RAB31: variants seen among roughly 807,000 people sequenced by gnomAD.
RAB31 encodes RAB31, member RAS oncogene family, also known as ras-related protein Rab-31.
RAB31 carries 21 observed loss-of-function variants against 25.6 expected under a neutral mutation model. That is an observed-to-expected ratio of 0.82 (90% CI 0.58 to 1.18). RAB31 has a LOEUF of 1.18. Among genes scored for constraint, RAB31 ranks in the 50% most tolerant of loss-of-function variants. The probability of loss-of-function intolerance (pLI) is 0.00; values close to 1 mark genes in which losing one functional copy is unlikely to be tolerated. For missense variants in RAB31, 196 were observed against 250.1 expected, an observed-to-expected ratio of 0.78 and a Z score of 1.46; for synonymous variants, 87 against 84.0, an observed-to-expected ratio of 1.04 and a Z score of -0.20.
intron 2 of RAB31, 38 bp downstream of exon 2, chr18:9,775,395 C>G (rs781748688): frequency 6.2e-7 from 1 of 1,612,080 alleles, no homozygotes; most frequent in Non-Finnish European, 8.5e-7. Context: ...GCGTTGCTTC[C>G]TTTCACGGCA....
rs2068092333 is a variant in RAB31 at position 9,725,414 on chromosome 18, G to C, written c.39+16970G>C. 2.0e-5 allele frequency among the ~76,000 whole-genome samples: 3 copies of C among 152,114 alleles called. No homozygotes were observed. In the South Asian group the frequency reaches 6.2e-4, roughly 32 times the overall value. On this transcript the variant is annotated intron_variant, in intron 1 of 6. Transcript: ENST00000578921. ...CAAGTTCTATTCTCATCTTTATCTT[G>C]CTAATGAAGAGACTGCAGCACAGGG...
At chr18:9,803,364 T>C (rs1273833461) in intron 3 of RAB31, among the ~76,000 whole-genome samples, 2 of 151,764 alleles carry the variant, frequency 1.3e-5, no homozygotes, top group African/African-American at 4.8e-5. Context: ...ACCTCCCGAG[T>C]AGCTGGGACT....
At chr18:9,846,256 C>T (rs370618791) in intron 6 of RAB31, among the ~76,000 whole-genome samples, 3 of 152,350 alleles carry the variant, frequency 2.0e-5, no homozygotes, top group African/African-American at 7.2e-5. Flanking sequence ...CCGTTATGCT[C>T]ACTGTATGCC....
rs1335613068 is a variant in RAB31 at position 9,861,862 on chromosome 18, G to A, written c.*2537G>A. Reference sequence around the variant, plus strand: ...GGCTGAGTTTGGCCCCTAGCCATGTGTTAATATAAAGTAGGCATGGCTTCC... The same window carrying A: ...GGCTGAGTTTGGCCCCTAGCCATGTATTAATATAAAGTAGGCATGGCTTCC... On this transcript the variant is annotated 3_prime_UTR_variant, in exon 7 of 7. Transcript: ENST00000578921. The A allele has an allele frequency of 4.6e-5, 7 of 152,510 alleles. No homozygotes were observed. Among genetic ancestry groups the A allele is most frequent in the African/African-American group, 1.7e-4 (7 of 41,410 alleles). The allele number at this position is 152,510 out of a possible 1,614,324, so 9.4% of individuals were successfully genotyped here. A position where few individuals can be genotyped will look rare whatever the true frequency, so the allele number is the denominator to read the frequency against.
At chr18:9,746,882 A>G (rs766028295) in intron 1 of RAB31, among the ~76,000 whole-genome samples, 7 of 152,260 alleles carry the variant, frequency 4.6e-5, no homozygotes, top group Non-Finnish European at 7.3e-5. Flanking sequence ...TAGACATGAA[A>G]GCAAAAGCAT....
intron 1 of RAB31, among the ~76,000 whole-genome samples, chr18:9,774,584 A>G (rs1395016385): frequency 1.3e-5 from 2 of 152,074 alleles, no homozygotes; most frequent in African/African-American, 2.4e-5. Flanking sequence ...CTCTTCTCCT[A>G]TCTCTTTGAC....
At position 9,763,209 on chromosome 18, in the gene RAB31, C is replaced by T. The variant is rs77015152; in HGVS notation, c.40-12069C>T. On this transcript the variant is annotated intron_variant, in intron 1 of 6. Coordinates refer to ENST00000578921, the MANE Select transcript of RAB31 (RefSeq NM_006868.4). ...CCTGGCCGTAACATGTGTCCTTGGA[C>T]GAGTTGCTTTAATTTCTTCCTTTAA... Among the ~76,000 whole-genome samples, 62 of 152,062 alleles carry T rather than the reference C, an allele frequency of 4.1e-4. No homozygotes were observed. In the East Asian group the frequency reaches 0.011, roughly 26 times the overall value.
chr18:9,728,199 C>T (rs1347001311), intron 1 of RAB31, among the ~76,000 whole-genome samples: 1 of 152,124 alleles, frequency 6.6e-6, no homozygotes, highest in Non-Finnish European at 1.5e-5. Flanking sequence ...TAGAGCAATC[C>T]CACTTATTTT....
intron 5 of RAB31, among the ~76,000 whole-genome samples, chr18:9,818,500 T>TTAAGCAAATG (rs1343578577): frequency 1.3e-5 from 2 of 152,232 alleles, no homozygotes. Flanking sequence ...CTTCTTTCAG[T>TTAAGCAAATG]TAAGCAAATG....
chr18:9,726,780 A>T (rs2068098026), intron 1 of RAB31, among the ~76,000 whole-genome samples: 1 of 152,178 alleles, frequency 6.6e-6, no homozygotes. Context: ...TTGAAGTATA[A>T]CATACAAAGT....
chr18:9,805,552 A>T (rs906741793), intron 3 of RAB31, among the ~76,000 whole-genome samples: 21 of 152,170 alleles, frequency 1.4e-4, no homozygotes, highest in African/African-American at 5.1e-4. Context: ...TAATGTCCTC[A>T]TATGAAGGTC....
intron 1 of RAB31, among the ~76,000 whole-genome samples, chr18:9,772,039 A>T (rs2068347963): frequency 6.6e-6 from 1 of 152,170 alleles, no homozygotes; most frequent in Admixed American, 6.5e-5. Flanking sequence ...TGATGAGTAA[A>T]GCTGAACATT....
intron 6 of RAB31, among the ~76,000 whole-genome samples, chr18:9,857,678 TAGATAGATGATAGATAGATA>T (rs997354978): frequency 1.6e-5 from 2 of 123,340 alleles, no homozygotes; most frequent in African/African-American, 5.8e-5. Flanking sequence ...GATAGATAGA[TAGATAGATGATAGATAGATA>T]GATAGATAGA....
chr18:9,801,013 T>A (rs998006496), intron 3 of RAB31, among the ~76,000 whole-genome samples: 7 of 152,208 alleles, frequency 4.6e-5, no homozygotes, highest in African/African-American at 1.7e-4. Flanking sequence ...TTTCTGTCTC[T>A]AGATTTGCCT....
At chr18:9,810,541 C>A (rs1487058151) in intron 3 of RAB31, among the ~76,000 whole-genome samples, 1 of 152,138 alleles carries the variant, frequency 6.6e-6, no homozygotes, top group Non-Finnish European at 1.5e-5. Context: ...ACCCTCAAGT[C>A]CCCAGCAATA....
At position 9,794,010 on chromosome 18, in the gene RAB31, A is replaced by T. The variant is rs182681287; in HGVS notation, c.201+1775A>T. Among the ~76,000 whole-genome samples the T allele has an allele frequency of 3.3e-5, 5 of 152,288 alleles. No homozygotes were observed. In the East Asian group the frequency reaches 9.6e-4, roughly 29 times the overall value. On this transcript the variant is annotated intron_variant, in intron 3 of 6. Coordinates refer to ENST00000578921, the MANE Select transcript of RAB31 (RefSeq NM_006868.4). Reference sequence around the variant, plus strand: ...CAGTGGTGCAATCACAGCTCACCTCAGCCTCCCGAGTAGCAGGGACCACAG... The same window carrying T: ...CAGTGGTGCAATCACAGCTCACCTCTGCCTCCCGAGTAGCAGGGACCACAG...
intron 5 of RAB31, among the ~76,000 whole-genome samples, chr18:9,841,963 A>G (rs2068736590): frequency 6.6e-6 from 1 of 152,142 alleles, no homozygotes; most frequent in Non-Finnish European, 1.5e-5. Flanking sequence ...TTTTATTTTC[A>G]GTCTGGTCTC....
chr18:9,857,189 A>T (rs1321768431), intron 6 of RAB31, among the ~76,000 whole-genome samples: 1 of 152,102 alleles, frequency 6.6e-6, no homozygotes, highest in Non-Finnish European at 1.5e-5. Context: ...GAAGATCTCT[A>T]CTATTACTTT....
chr18:9,837,010 G>A (rs1261395248), intron 5 of RAB31, among the ~76,000 whole-genome samples: 4 of 151,464 alleles, frequency 2.6e-5, no homozygotes, highest in African/African-American at 4.9e-5. Context: ...GGGAGAGTCT[G>A]TGTGTGTGGA....
Sources: allele counts gnomAD v4.1 joint callset (sites outside exome capture counted in the v4.1 genomes callset), GRCh38; gene constraint gnomAD v4.1.1; transcripts MANE v1.5; gene names NCBI Gene and HGNC (gene_info 2026-07-23, HGNC 2026-07-21).